Variants in NAV3 observed in about 807,000 individuals in gnomAD.
The protein encoded by NAV3 is neuron navigator 3, also known as pore membrane and/or filament interacting like protein 1.
Under a neutral mutation model 244.7 loss-of-function variants are expected in NAV3, and 87 were observed. The ratio of observed to expected loss-of-function variants is 0.36; its 90% CI spans 0.30 to 0.42. The LOEUF (loss-of-function observed/expected upper bound fraction) is 0.42, where lower values mean the gene tolerates loss of function less well. Among genes scored for constraint, NAV3 ranks in the 20% least tolerant of loss-of-function variants. The pLI, the probability that NAV3 is intolerant of heterozygous loss-of-function variation, is 1.00. For missense variants in NAV3, 2,663 were observed against 2,893.3 expected (o/e 0.92, Z 1.83); for synonymous variants, 1,126 against 1,042.2 (o/e 1.08, Z -1.55).
At chr12:77,720,491 G>C (rs1278517693) in intron 2 of NAV3, among the ~76,000 whole-genome samples, 1 of 151,956 alleles carries the variant, frequency 6.6e-6, no homozygotes, top group Non-Finnish European at 1.5e-5. Flanking sequence ...AGTACTACAG[G>C]TTCTCTGCAG....
At chr12:77,709,971 T>A (rs966491549) in intron 2 of NAV3, among the ~76,000 whole-genome samples, 1 of 152,274 alleles carries the variant, frequency 6.6e-6, no homozygotes, top group Admixed American at 6.5e-5. Flanking sequence ...TATTATGGAA[T>A]CATAAACTCT....
intron 16 of NAV3, among the ~76,000 whole-genome samples, chr12:78,124,660 G>T (rs1222766240): frequency 6.6e-6 from 1 of 151,986 alleles, no homozygotes; most frequent in Admixed American, 6.6e-5. Context: ...CACCATGTTG[G>T]CCAGGCTGGT....
At chr12:77,689,325 A>G (rs750499321) in intron 2 of NAV3, among the ~76,000 whole-genome samples, 1 of 151,980 alleles carries the variant, frequency 6.6e-6, no homozygotes, top group Non-Finnish European at 1.5e-5. Context: ...AGATGAGCTC[A>G]TCCAAGATTC....
chr12:78,027,654 C>T (rs1338117608), intron 9 of NAV3, among the ~76,000 whole-genome samples: 1 of 152,138 alleles, frequency 6.6e-6, no homozygotes, highest in African/African-American at 2.4e-5. Flanking sequence ...TCAGCATTCT[C>T]AGGGGAAAAA....
At chr12:77,881,463 C>T (rs1394575778) in intron 1 of NAV3, among the ~76,000 whole-genome samples, 1 of 152,010 alleles carries the variant, frequency 6.6e-6, no homozygotes, top group East Asian at 1.9e-4. Context: ...CACTGTGTCA[C>T]CAAAATTATT....
At chr12:77,938,932 G>C (rs796548189) in intron 1 of NAV3, among the ~76,000 whole-genome samples, 16 of 29,880 alleles carry the variant, frequency 5.4e-4, no homozygotes, top group African/African-American at 5.0e-3. Flanking sequence ...ATGTGATCTC[G>C]TGTGTGTGTG....
At chr12:77,704,849 G>T (rs1347330209) in intron 2 of NAV3, among the ~76,000 whole-genome samples, 36 of 152,056 alleles carry the variant, frequency 2.4e-4, no homozygotes, top group Admixed American at 2.4e-3. Context: ...TACTTCAAAG[G>T]CCCTTAGCAT....
intron 12 of NAV3, 41 bp from the exon 13 acceptor site, chr12:78,116,731 T>G: frequency 6.7e-7 from 1 of 1,498,044 alleles, no homozygotes. Flanking sequence ...GCATTGTGCA[T>G]CCTGTGTTTG....
intron 12 of NAV3, among the ~76,000 whole-genome samples, chr12:78,086,476 G>A (rs1306053893): frequency 6.6e-6 from 1 of 152,022 alleles, no homozygotes; most frequent in Non-Finnish European, 1.5e-5. Flanking sequence ...CTCAGGTCTT[G>A]TTCCTTGCAA....
chr12:77,591,376 G>A (rs1869895517), intron 2 of NAV3, among the ~76,000 whole-genome samples: 1 of 152,132 alleles, frequency 6.6e-6, no homozygotes. Context: ...TATTCCCTAT[G>A]GGGAAATTTA....
At chr12:77,789,434 AT>A (rs1209960481) in intron 2 of NAV3, among the ~76,000 whole-genome samples, 3 of 151,798 alleles carry the variant, frequency 2.0e-5, no homozygotes, top group Admixed American at 1.3e-4. Flanking sequence ...GGGGTGTCCA[AT>A]TTTTTTACTT....
chr12:77,867,576 C>A (rs577525072), intron 1 of NAV3, among the ~76,000 whole-genome samples: 1 of 152,048 alleles, frequency 6.6e-6, no homozygotes, highest in African/African-American at 2.4e-5. Context: ...CCCGCCACCA[C>A]GCCCGGCTAA....
chr12:77,932,515 T>C (rs528016132), intron 1 of NAV3, among the ~76,000 whole-genome samples: 1 of 152,326 alleles, frequency 6.6e-6, no homozygotes, highest in African/African-American at 2.4e-5. Context: ...TCATGGAAGA[T>C]AGAATTTGAG....
chr12:77,574,132 C>T (rs80039189), intron 2 of NAV3, among the ~76,000 whole-genome samples: 1,523 of 152,168 alleles, frequency 0.01, 22 homozygotes, highest in African/African-American at 0.034. Flanking sequence ...ACTATAGCCT[C>T]GCCTTCTCAT....
chr12:77,790,317 A>G (rs1451253167), intron 2 of NAV3, among the ~76,000 whole-genome samples: 1 of 152,236 alleles, frequency 6.6e-6, no homozygotes, highest in African/African-American at 2.4e-5. Flanking sequence ...ATGTTCAACT[A>G]GCTCTTTAGG....
chr12:77,724,234 C>T (rs1198148543), intron 2 of NAV3, among the ~76,000 whole-genome samples: 1 of 151,822 alleles, frequency 6.6e-6, no homozygotes, highest in Non-Finnish European at 1.5e-5. Context: ...TATATGTGGG[C>T]ACTTATGTAT....
At chr12:77,808,002 C>T (rs1872073267) in intron 2 of NAV3, among the ~76,000 whole-genome samples, 1 of 152,100 alleles carries the variant, frequency 6.6e-6, no homozygotes, top group South Asian at 2.1e-4. Context: ...AGGAAGTTCT[C>T]ATGCTGCATT....
intron 2 of NAV3, among the ~76,000 whole-genome samples, chr12:77,754,594 C>T (rs1178820624): frequency 6.6e-6 from 1 of 152,190 alleles, no homozygotes; most frequent in Non-Finnish European, 1.5e-5. Context: ...ACTTGGACAG[C>T]TGCAGAAAAC....
chr12:77,728,068 G>A (rs890785350), intron 2 of NAV3, among the ~76,000 whole-genome samples: 2 of 151,794 alleles, frequency 1.3e-5, no homozygotes, highest in Non-Finnish European at 2.9e-5. Context: ...AGTGAAATGT[G>A]TACTCCAAAC....
Sources: gnomAD v4.1 joint callset for allele counts (sites outside exome capture counted in the v4.1 genomes callset) on GRCh38, gnomAD v4.1.1 for gene constraint, MANE v1.5 for transcripts, NCBI Gene and HGNC (gene_info 2026-07-23, HGNC 2026-07-21) for gene names.